Variants in CD200R1 observed in about 807,000 individuals in gnomAD.
CD200R1 encodes the protein cell surface glycoprotein CD200 receptor 1.
A neutral mutation model predicts 38.1 loss-of-function variants in CD200R1; 30 were observed. The observed-to-expected ratio is 0.79, with a 90% CI of 0.59 to 1.07. The LOEUF (loss-of-function observed/expected upper bound fraction) is 1.07, where lower values mean the gene tolerates loss of function less well. Ranked by LOEUF, CD200R1 falls within the 50% of genes least tolerant of loss-of-function variation. The pLI is 0.00. For synonymous variants in CD200R1, 128 were observed against 152.1 expected (o/e 0.84, Z 1.16); for missense variants, 372 against 415.4 (o/e 0.90, Z 0.91).
chr3:112,948,424 C>T (rs1940910182), intron 1 of CD200R1, among the ~76,000 whole-genome samples: 1 of 152,128 alleles, frequency 6.6e-6, no homozygotes, highest in Non-Finnish European at 1.5e-5. Context: ...TTTTCCACCA[C>T]GGACAAGGAG....
At chr3:112,928,667 A>C (rs1559944083) in intron 5 of CD200R1, 149 bp downstream of exon 5, 1 of 639,230 alleles carries the variant, frequency 1.6e-6, no homozygotes, top group Non-Finnish European at 2.7e-6. Context: ...ATTCTCCTCA[A>C]CTCATCTCTT....
At chr3:112,943,217 C>G (rs745773061) in intron 2 of CD200R1, among the ~76,000 whole-genome samples, 2 of 151,618 alleles carry the variant, frequency 1.3e-5, no homozygotes, top group Non-Finnish European at 3.0e-5. Flanking sequence ...CCAAAATAGA[C>G]CACATTCTGA....
intron 1 of CD200R1, among the ~76,000 whole-genome samples, chr3:112,967,074 A>C (rs1054733322): frequency 3.3e-5 from 5 of 151,428 alleles, no homozygotes; most frequent in African/African-American, 1.2e-4. Context: ...TTCCCACTAC[A>C]CCCATGCATT....
At chr3:112,931,192 A>G (rs368137299) in intron 2 of CD200R1, 21 bp from the exon 3 acceptor site, 3 of 1,482,726 alleles carry the variant, frequency 2.0e-6, no homozygotes, top group African/African-American at 2.8e-5. Context: ...TTTAGAGAAG[A>G]ATAAATGAAA....
intron 1 of CD200R1, among the ~76,000 whole-genome samples, chr3:112,949,974 C>G (rs776742312): frequency 1.3e-5 from 2 of 152,124 alleles, no homozygotes; most frequent in African/African-American, 4.8e-5. Flanking sequence ...GCAAACCAGA[C>G]TAAACATATG....
At chr3:112,927,396 G>T (rs759863153) in intron 5 of CD200R1, among the ~76,000 whole-genome samples, 16 of 151,574 alleles carry the variant, frequency 1.1e-4, no homozygotes, top group Non-Finnish European at 1.9e-4. Flanking sequence ...CAAATCTCTA[G>T]TTATTAAAAA....
At chr3:112,929,585 G>A (rs1279240785) in intron 3 of CD200R1, 78 bp from the exon 4 acceptor site, 1 of 1,277,446 alleles carries the variant, frequency 7.8e-7, no homozygotes, top group African/African-American at 1.5e-5. Flanking sequence ...AACATATGAA[G>A]TTACACTAGA....
At chr3:112,943,196 T>G (rs1280943320) in intron 2 of CD200R1, among the ~76,000 whole-genome samples, 2 of 151,762 alleles carry the variant, frequency 1.3e-5, no homozygotes, top group Admixed American at 6.6e-5. Flanking sequence ...CCAGCTCATA[T>G]GAAACTTGTA....
At chr3:112,952,826 T>G (rs1940999565) in intron 1 of CD200R1, among the ~76,000 whole-genome samples, 1 of 151,730 alleles carries the variant, frequency 6.6e-6, no homozygotes, top group South Asian at 2.1e-4. Flanking sequence ...TTTCGTGGAG[T>G]CTTTGAGTTT....
intron 1 of CD200R1, 51 bp downstream of exon 1, chr3:112,974,740 A>T (rs1387679220): frequency 8.5e-7 from 1 of 1,172,590 alleles, no homozygotes; most frequent in Non-Finnish European, 1.3e-6. Flanking sequence ...AAACTCAGGA[A>T]GAGCTGAGAC....
intron 2 of CD200R1, among the ~76,000 whole-genome samples, chr3:112,932,478 C>G (rs1253586629): frequency 1.3e-5 from 2 of 151,756 alleles, no homozygotes; most frequent in African/African-American, 4.8e-5. Flanking sequence ...GTACATGCAT[C>G]CTCACCCAGG....
At chr3:112,949,985 G>A (rs1044397799) in intron 1 of CD200R1, among the ~76,000 whole-genome samples, 1 of 152,118 alleles carries the variant, frequency 6.6e-6, no homozygotes, top group African/African-American at 2.4e-5. Flanking sequence ...TAAACATATG[G>A]ACAGAAATTT....
At chr3:112,954,950 T>C (rs548138020) in intron 1 of CD200R1, among the ~76,000 whole-genome samples, 198 of 152,280 alleles carry the variant, frequency 1.3e-3, no homozygotes, top group Non-Finnish European at 2.1e-3. Flanking sequence ...TGGGATCTAA[T>C]GTTTCCTTCA....
At chr3:112,956,314 A>G (rs938190258) in intron 1 of CD200R1, among the ~76,000 whole-genome samples, 10 of 146,046 alleles carry the variant, frequency 6.8e-5, no homozygotes, top group African/African-American at 2.5e-4. Context: ...TGTATTTTTC[A>G]TTTTTTTCAT....
At chr3:112,963,340 A>T (rs1933070578) in intron 1 of CD200R1, among the ~76,000 whole-genome samples, 1 of 152,214 alleles carries the variant, frequency 6.6e-6, no homozygotes, top group African/African-American at 2.4e-5. Flanking sequence ...TCAGAAGAAG[A>T]AAGGAAAATG....
At chr3:112,953,126 C>T (rs1941007998) in intron 1 of CD200R1, among the ~76,000 whole-genome samples, 1 of 152,168 alleles carries the variant, frequency 6.6e-6, no homozygotes, top group African/African-American at 2.4e-5. Flanking sequence ...CACTGAAGTA[C>T]TTTCCTTCTA....
intron 1 of CD200R1, among the ~76,000 whole-genome samples, chr3:112,951,459 AAGGAG>A (rs1940967504): frequency 6.6e-6 from 1 of 151,962 alleles, no homozygotes; most frequent in Non-Finnish European, 1.5e-5. Context: ...TTAGAAAATC[AAGGAG>A]AGAACACTAA....
At chr3:112,968,435 A>G (rs910467958) in intron 1 of CD200R1, among the ~76,000 whole-genome samples, 11 of 152,228 alleles carry the variant, frequency 7.2e-5, no homozygotes, top group African/African-American at 2.2e-4. Context: ...TGGACAAAAT[A>G]TAAAAACAAC....
At position 112,929,380 on chromosome 3, in the gene CD200R1, G is replaced by A. The variant is rs1940368276; in HGVS notation, c.330C>T (p.Ala110=). Residue 110 remains alanine (A), a synonymous_variant, in exon 4 of 8, where the codon GCC becomes GCT. Coordinates refer to ENST00000308611, the MANE Select transcript of CD200R1 (RefSeq NM_138806.4). ...TGGTCTCATTTGTTTCTTTCTTGTA[G>A]GCTTTTGTGCAGGAAGGCTGGCCTC... The part of the protein sequence containing the change: ...ILRGQPSCTK[A]YKKETNETKE... 1.2e-6 allele frequency: 2 copies of A among 1,614,018 alleles called. No homozygotes were observed. Among genetic ancestry groups the A allele is most frequent in the East Asian group, 2.2e-5 (1 of 44,876 alleles).
Sources: gnomAD v4.1 joint callset for allele counts (sites outside exome capture counted in the v4.1 genomes callset) on GRCh38, gnomAD v4.1.1 for gene constraint, MANE v1.5 for transcripts, NCBI Gene and HGNC (gene_info 2026-07-23, HGNC 2026-07-21) for gene names.